The following P2RX3 variants were observed in gnomAD, a reference collection of about 807,000 sequenced individuals.
The protein encoded by P2RX3 is P2X purinoceptor 3.
Under a neutral mutation model 51.5 loss-of-function variants are expected in P2RX3, and 41 were observed. That is an observed-to-expected ratio of 0.80 (90% confidence interval 0.62 to 1.03). The LOEUF is 1.03. P2RX3 is among the 50% of genes least tolerant of loss of function. P2RX3 has a pLI of 0.00. For synonymous variants in P2RX3, 185 were observed against 191.6 expected, an observed-to-expected ratio of 0.97 and a Z score of 0.29; for missense variants, 459 against 522.1, an observed-to-expected ratio of 0.88 and a Z score of 1.18.
chr11:57,349,404 T>TGCAGTGAGCCGAGATCATGCCACC (rs1856501493), intron 6 of P2RX3, among the ~76,000 whole-genome samples: 1 of 150,982 alleles, frequency 6.6e-6, no homozygotes, highest in Admixed American at 6.6e-5. Flanking sequence ...AGGCAGAGGT[T>TGCAGTGAGCCGAGATCATGCCACC]GCAGTGAGCC....
chr11:57,336,812 AT>A, upstream of P2RX3, among the ~76,000 whole-genome samples: 1 of 152,332 alleles, frequency 6.6e-6, no homozygotes, highest in East Asian at 1.9e-4. Context: ...AGCTTGCTAA[AT>A]CAATCCTGGG....
intron 10 of P2RX3, among the ~76,000 whole-genome samples, chr11:57,369,000 C>T (rs1267012726): frequency 1.2e-4 from 18 of 152,098 alleles, no homozygotes; most frequent in African/African-American, 3.9e-4. Flanking sequence ...CATGCTAGCT[C>T]GGATCTCTCT....
At chr11:57,339,150 G>A (rs1312584864) in intron 1 of P2RX3, among the ~76,000 whole-genome samples, 1 of 152,170 alleles carries the variant, frequency 6.6e-6, no homozygotes, top group African/African-American at 2.4e-5. Context: ...GTTGGTGGCC[G>A]GGAGGGAAAG....
chr11:57,355,297 T>C (rs1856610802), intron 8 of P2RX3, among the ~76,000 whole-genome samples: 1 of 152,068 alleles, frequency 6.6e-6, no homozygotes, highest in Admixed American at 6.6e-5. Context: ...ATGAGAAAAT[T>C]CACAGGCAAG....
At chr11:57,349,682 G>A in intron 6 of P2RX3, 75 bp from the exon 7 acceptor site, 6 of 1,589,272 alleles carry the variant, frequency 3.8e-6, no homozygotes, top group South Asian at 2.2e-5. Context: ...CCTGGGCTCC[G>A]GAAGGCGGGG....
At chr11:57,348,543 A>T in intron 5 of P2RX3, 84 bp from the exon 6 acceptor site, 1 of 1,186,802 alleles carries the variant, frequency 8.4e-7, no homozygotes, top group Non-Finnish European at 1.3e-6. Context: ...GGAGGCATCC[A>T]CCAGGAAAGG....
chr11:57,368,518 G>A (rs1444770697), intron 10 of P2RX3, 81 bp downstream of exon 10: 23 of 1,498,526 alleles, frequency 1.5e-5, no homozygotes, highest in Middle Eastern at 1.7e-4. Context: ...GAGTGACGGC[G>A]GCAAAACTCT....
chr11:57,350,187 A>C, intron 7 of P2RX3: 129 of 411,526 alleles, frequency 3.1e-4, no homozygotes, highest in Non-Finnish European at 3.0e-4. Context: ...ATAAGCCCCA[A>C]ACGACGGGAA....
intron 8 of P2RX3, among the ~76,000 whole-genome samples, chr11:57,360,881 G>A (rs1426339014): frequency 6.6e-6 from 1 of 152,132 alleles, no homozygotes. Flanking sequence ...ATAGTCTGGT[G>A]TGGCAGATAC....
At chr11:57,368,773 C>G (rs1012256816) in intron 10 of P2RX3, among the ~76,000 whole-genome samples, 1 of 152,146 alleles carries the variant, frequency 6.6e-6, no homozygotes, top group African/African-American at 2.4e-5. Flanking sequence ...AGGAACAGAG[C>G]CCACGTGGCA....
chr11:57,342,148 C>CTTTTTTTTT (rs67011422), intron 1 of P2RX3, among the ~76,000 whole-genome samples: 1 of 48,360 alleles, frequency 2.1e-5, no homozygotes. Context: ...GCTGCCCCAT[C>CTTTTTTTTT]TTTTTTTTTT....
chr11:57,348,125 A>T, intron 4 of P2RX3, 45 bp from the exon 5 acceptor site: 1 of 1,492,704 alleles, frequency 6.7e-7, no homozygotes, highest in Non-Finnish European at 9.1e-7. Context: ...AAGGGAGAGG[A>T]GCAAAGGGCA....
At chr11:57,340,778 G>A (rs1856324775) in intron 1 of P2RX3, 1 of 152,416 alleles carries the variant, frequency 6.6e-6, no homozygotes, top group Non-Finnish European at 1.5e-5. Flanking sequence ...AGGGAGTAAG[G>A]GAAGGTTTTC....
At chr11:57,361,820 G>C (rs1388576694) in intron 8 of P2RX3, among the ~76,000 whole-genome samples, 1 of 152,138 alleles carries the variant, frequency 6.6e-6, no homozygotes, top group African/African-American at 2.4e-5. Flanking sequence ...GGGGATTGCT[G>C]GGTTAAATGG....
chr11:57,338,488 A>T lies in P2RX3; in HGVS notation c.-63A>T, dbSNP rs567968563. 80 of 1,167,524 alleles carry T rather than the reference A, an allele frequency of 6.9e-5. No homozygotes were observed. In the South Asian group the frequency reaches 1.1e-3, roughly 17 times the overall value. The allele number at this position is 1,167,524 out of a possible 1,614,324, so 72.3% of individuals were successfully genotyped here. On this transcript the variant is annotated 5_prime_UTR_variant, in exon 1 of 12. Transcript: ENST00000263314. ...TGATCTCGTCTCCCTGTCCTGTAGG[A>T]CCTCCCTCTCCTGAGGCCACCACTG...
Position 57,349,768 on chromosome 11 carries a change from T to G in P2RX3, c.575T>G (p.Leu192Arg). 2.5e-6 allele frequency: 4 copies of G among 1,614,178 alleles called. No individual in the cohort carries two copies. The highest frequency in any genetic ancestry group is 3.4e-6 in the Non-Finnish European group (4 of 1,180,022). Reference sequence around the variant, plus strand: ...CTGCTCCTCCCCAGGGGAAACCTCCTTCCCAACCTGACAGCCAGGGACATG... The same window carrying G: ...CTGCTCCTCCCCAGGGGAAACCTCCGTCCCAACCTGACAGCCAGGGACATG... Reference protein sequence around the residue: ...PLFNFEKGNLLPNLTARDMKT... With the variant: ...PLFNFEKGNLRPNLTARDMKT... The change falls in exon 7 of 12, where the codon CTT (leucine) becomes CGT (arginine). Residue 192 changes from leucine (L) to arginine (R), a missense_variant. Coordinates refer to ENST00000263314, the MANE Select transcript of P2RX3 (RefSeq NM_002559.5).
In P2RX3 at chr11:57,348,656, C is replaced by T. The variant is rs1369271063; in HGVS notation, c.515C>T (p.Thr172Ile). The T allele has an allele frequency of 6.2e-7, 1 of 1,613,878 alleles. No individual in the cohort carries two copies. Among genetic ancestry groups the T allele is most frequent in the Admixed American group, 1.7e-5 (1 of 59,986 alleles). ...ATCATGATGGAAGCTGAGAACTTCA[C>T]TATTTTCATCAAGAACAGCATCCGT... ...TPIMMEAENFTIFIKNSIRFP... is the reference protein window; with the variant it reads ...TPIMMEAENFIIFIKNSIRFP... The change falls in exon 6 of 12, where the codon ACT becomes ATT. Residue 172 changes from threonine (T) to isoleucine (I), a missense_variant. By Grantham distance (89) the Thr-to-Ile change is moderately conservative. Coordinates refer to ENST00000263314, the MANE Select transcript of P2RX3 (RefSeq NM_002559.5).
At chr11:57,348,033 A>C (rs1194397999) in intron 4 of P2RX3, 137 bp from the exon 5 acceptor site, 2 of 727,488 alleles carry the variant, frequency 2.7e-6, no homozygotes, top group Non-Finnish European at 4.4e-6. Context: ...AGCAGGAGAG[A>C]AGTCAGCTCC....
chr11:57,359,439 C>T (rs1856682383), intron 8 of P2RX3, among the ~76,000 whole-genome samples: 1 of 152,198 alleles, frequency 6.6e-6, no homozygotes. Flanking sequence ...ATCCCCGCTG[C>T]CCTTCAAGTG....
Sources: gnomAD v4.1 joint callset for allele counts (sites outside exome capture counted in the v4.1 genomes callset) on GRCh38, gnomAD v4.1.1 for gene constraint, MANE v1.5 for transcripts, NCBI Gene and HGNC (gene_info 2026-07-23, HGNC 2026-07-21) for gene names.